The following FMN1 variants were observed in gnomAD, a reference collection of about 807,000 sequenced individuals.
The protein encoded by FMN1 is formin 1, also known as formin-1.
In FMN1, 110 loss-of-function variants were observed where a neutral mutation model predicts 132.4. The ratio of observed to expected loss-of-function variants is 0.83; its 90% CI spans 0.71 to 0.97. FMN1 has a LOEUF of 0.97. FMN1 is among the 50% of genes least tolerant of loss of function. The probability of loss-of-function intolerance (pLI) is 0.00; values close to 1 mark genes in which losing one functional copy is unlikely to be tolerated. For missense variants in FMN1, 1,792 were observed against 1,705.3 expected (o/e 1.05, Z -0.90); for synonymous variants, 722 against 651.7 (o/e 1.11, Z -1.64).
At chr15:32,930,803 T>A (rs974824833) in intron 9 of FMN1, among the ~76,000 whole-genome samples, 14 of 152,248 alleles carry the variant, frequency 9.2e-5, no homozygotes, top group African/African-American at 2.9e-4. Context: ...CCCTATTTTT[T>A]AAAAAAGTTT....
rs1489702401 is a variant in FMN1, at chr15:33,153,309, T to C, written c.1606A>G (p.Arg536Gly). Residue 536 changes from arginine (R) to glycine (G), a missense_variant, in exon 4 of 21, where the codon AGG becomes GGG. Coordinates refer to ENST00000616417, the MANE Select transcript of FMN1 (RefSeq NM_001277313.2). Reference sequence around the variant, plus strand: ...GGCAATGCAGGGAGCCGGAGGATCCTGTGATGCTGCTGAGGGCTGGGGAGC... The same window carrying C: ...GGCAATGCAGGGAGCCGGAGGATCCCGTGATGCTGCTGAGGGCTGGGGAGC... ...PRLPSPQQHH[R>G]ILRLPALPGE... 6.5e-7 allele frequency: 1 copy of C among 1,536,284 alleles called. No homozygotes were observed. The highest frequency in any genetic ancestry group is 1.2e-5 in the South Asian group (1 of 84,050).
rs578183369 is a variant in FMN1 at position 32,812,443 on chromosome 15, T to C, written c.3929-8111A>G. ...ACTTGCATATACATAATGTAATACA[T>C]TGGGGATGGGACCCAAGTCTAAAGA... On this transcript the variant is annotated intron_variant, in intron 17 of 20. Transcript: ENST00000616417. Among the ~76,000 whole-genome samples the C allele has an allele frequency of 2.1e-4, 32 of 152,344 alleles. No homozygotes were observed. In the East Asian group the frequency reaches 2.3e-3, roughly 11 times the overall value.
At chr15:32,900,276 T>A in intron 13 of FMN1, 151 bp from the exon 14 acceptor site, 1 of 798,730 alleles carries the variant, frequency 1.3e-6, no homozygotes, top group Non-Finnish European at 2.1e-6. Context: ...CACACTTTAC[T>A]AAGCCATGAG....
At chr15:32,779,557 T>C (rs1356647801) in intron 19 of FMN1, among the ~76,000 whole-genome samples, 1 of 152,074 alleles carries the variant, frequency 6.6e-6, no homozygotes, top group Admixed American at 6.6e-5. Flanking sequence ...TGTAGGGAGA[T>C]ACCAAAAAGA....
In FMN1 at chr15:32,816,279, A is replaced by G. The variant is rs899897976; in HGVS notation, c.3929-11947T>C. ...CGTGCTTGCAAAAAATATCACGGGA[A>G]AATGCTATGACAAAATTATAAATAA... On this transcript the variant is annotated intron_variant, in intron 17 of 20. Coordinates refer to ENST00000616417, the MANE Select transcript of FMN1 (RefSeq NM_001277313.2). Among the ~76,000 whole-genome samples the G allele has an allele frequency of 3.3e-5, 5 of 152,220 alleles. 1 individual carries two copies. Among genetic ancestry groups the G allele is most frequent in the Non-Finnish European group, 7.3e-5 (5 of 68,036 alleles).
At chr15:33,184,180 G>C (rs538865257) in intron 2 of FMN1, among the ~76,000 whole-genome samples, 1 of 152,146 alleles carries the variant, frequency 6.6e-6, no homozygotes, top group Non-Finnish European at 1.5e-5. Flanking sequence ...GATTCATAGA[G>C]AGACAGACAG....
chr15:33,114,697 A>C (rs759154711), intron 4 of FMN1, among the ~76,000 whole-genome samples: 4 of 152,182 alleles, frequency 2.6e-5, no homozygotes, highest in Non-Finnish European at 5.9e-5. Context: ...AACTGCTGTA[A>C]TGTCTCCTAA....
chr15:32,781,501 C>T (rs768106815), intron 19 of FMN1, among the ~76,000 whole-genome samples: 4 of 152,188 alleles, frequency 2.6e-5, no homozygotes, highest in Non-Finnish European at 4.4e-5. Flanking sequence ...AATGCATCAA[C>T]GACCGGGCTA....
intron 6 of FMN1, among the ~76,000 whole-genome samples, chr15:33,047,179 T>A (rs564926337): frequency 6.6e-6 from 1 of 152,348 alleles, no homozygotes; most frequent in African/African-American, 2.4e-5. Flanking sequence ...ATTTGCTGAT[T>A]CTTTTCCCCC....
chr15:33,092,503 C>G (rs1282418022), intron 4 of FMN1, among the ~76,000 whole-genome samples: 1 of 152,126 alleles, frequency 6.6e-6, no homozygotes, highest in South Asian at 2.1e-4. Context: ...GTAAGACGCA[C>G]GGTGTGTTTT....
At chr15:32,980,681 T>C (rs2032582635) in intron 7 of FMN1, among the ~76,000 whole-genome samples, 1 of 152,232 alleles carries the variant, frequency 6.6e-6, no homozygotes, top group African/African-American at 2.4e-5. Flanking sequence ...GTCTCTAAAA[T>C]GGTTTCATTG....
chr15:32,908,766 G>T (rs1210063204), intron 11 of FMN1, among the ~76,000 whole-genome samples, 188 bp from the exon 12 acceptor site: 1 of 152,028 alleles, frequency 6.6e-6, no homozygotes, highest in Non-Finnish European at 1.5e-5. Flanking sequence ...TGGGGTGTGG[G>T]TGGGGGTGGG....
In FMN1 at chr15:32,888,210, A is replaced by T. The variant is rs201849495; in HGVS notation, c.3797T>A (p.Leu1266His). 15 of 1,612,686 alleles carry T rather than the reference A, an allele frequency of 9.3e-6. 1 individual carries two copies. The Middle Eastern group carries it at 8.2e-4, about 88-fold the overall frequency. ...CTTCAGTTTTCTCAAATCTTTTATG[A>T]GGTCTTCAAACTTGACTTGGGAGGC... ...FLASQVKFEDLIKDLRKLKRQ... is the reference protein window; with the variant it reads ...FLASQVKFEDHIKDLRKLKRQ... Residue 1266 changes from leucine (L) to histidine (H), a missense_variant, in exon 16 of 21, where the codon CTC (leucine) becomes CAC (histidine). Physicochemically the swap from Leu to His is moderately conservative, Grantham distance 99. Around this residue, in one of 3 missense-constraint regions of FMN1, gnomAD observed 1,150 missense variants for 1,043.1 expected, o/e 1.10. Coordinates refer to ENST00000616417, the MANE Select transcript of FMN1 (RefSeq NM_001277313.2).
intron 7 of FMN1, among the ~76,000 whole-genome samples, chr15:33,004,870 G>A (rs971473165): frequency 2.0e-5 from 3 of 152,164 alleles, no homozygotes; most frequent in East Asian, 3.8e-4. Flanking sequence ...AAAAAATGAT[G>A]AGTTCATGTC....
intron 3 of FMN1, among the ~76,000 whole-genome samples, chr15:33,177,554 C>G (rs1318913624): frequency 6.6e-6 from 1 of 152,150 alleles, no homozygotes; most frequent in Non-Finnish European, 1.5e-5. Context: ...CCATAGTCCC[C>G]CCTGCAAAGA....
chr15:33,079,909 T>C (rs749207492), intron 5 of FMN1, among the ~76,000 whole-genome samples: 6 of 152,210 alleles, frequency 3.9e-5, no homozygotes, highest in Admixed American at 2.0e-4. Context: ...AATTGATCAG[T>C]TCATCCCTTT....
rs535692470 is a variant in FMN1 at position 33,035,557 on chromosome 15, T to C, written c.2162-27482A>G. Among the ~76,000 whole-genome samples the C allele has an allele frequency of 8.0e-4, 122 of 152,208 alleles. 2 individuals are homozygous for C. In the South Asian group the frequency reaches 0.019, roughly 23 times the overall value. On this transcript the variant is annotated intron_variant, in intron 6 of 20. Transcript: ENST00000616417. ...ACAGCCTTTGCACTGGCTGTTCCCT[T>C]TTCCTACATTCCCTTACCTCTCCCT...
intron 17 of FMN1, among the ~76,000 whole-genome samples, chr15:32,809,624 C>T (rs2057804031): frequency 6.6e-6 from 1 of 152,116 alleles, no homozygotes; most frequent in African/African-American, 2.4e-5. Flanking sequence ...TGCCCTTCTC[C>T]CTTCTCCTAC....
At chr15:33,039,282 A>G (rs2036319691) in intron 6 of FMN1, among the ~76,000 whole-genome samples, 1 of 152,156 alleles carries the variant, frequency 6.6e-6, no homozygotes, top group Non-Finnish European at 1.5e-5. Flanking sequence ...ATAATTATTT[A>G]CCAAGGTTGA....
Sources: gnomAD v4.1 joint callset for allele counts (sites outside exome capture counted in the v4.1 genomes callset) on GRCh38, gnomAD v4.1.1 for gene constraint, gnomAD v4.1.1 regional missense constraint, MANE v1.5 for transcripts, NCBI Gene and HGNC (gene_info 2026-07-23, HGNC 2026-07-21) for gene names.